The following ADSL variants were observed in gnomAD, a reference collection of about 807,000 sequenced individuals.
ADSL encodes the protein adenylosuccinase.
A neutral mutation model predicts 62.1 loss-of-function variants in ADSL; 44 were observed. The observed-to-expected ratio is 0.71, with a 90% CI of 0.56 to 0.91. The LOEUF is 0.91. Ranked by LOEUF, ADSL falls within the 40% of genes least tolerant of loss-of-function variation. The probability of loss-of-function intolerance (pLI) is 0.00; values close to 1 mark genes in which losing one functional copy is unlikely to be tolerated. For missense variants in ADSL, 531 were observed against 627.4 expected (o/e 0.85, Z 1.64); for synonymous variants, 198 against 220.5 (o/e 0.90, Z 0.90).
At chr22:40,380,491 C>T (rs960235628) in intron 2 of ADSL, among the ~76,000 whole-genome samples, 1 of 151,796 alleles carries the variant, frequency 6.6e-6, no homozygotes, top group Non-Finnish European at 1.5e-5. Context: ...CTCAGCATCC[C>T]GAGTAGTTGG....
At chr22:40,375,839 A>G (rs1467179736) in intron 2 of ADSL, among the ~76,000 whole-genome samples, 7 of 152,156 alleles carry the variant, frequency 4.6e-5, no homozygotes. Context: ...GGAGGTCAAG[A>G]CCAGCCTGGG....
chr22:40,353,815 A>G (rs886677666), intron 3 of ADSL: 6 of 271,356 alleles, frequency 2.2e-5, no homozygotes, highest in Non-Finnish European at 3.6e-5. Flanking sequence ...TTTAGTAGAG[A>G]CGGGGTTTCA....
downstream of ADSL, among the ~76,000 whole-genome samples, chr22:40,374,099 C>T (rs1186932918): frequency 6.6e-6 from 1 of 152,020 alleles, no homozygotes; most frequent in Non-Finnish European, 1.5e-5. Context: ...ACTACAGGCG[C>T]CTGCCACCAT....
chr22:40,379,791 C>G (rs1037300306), intron 2 of ADSL, among the ~76,000 whole-genome samples: 1 of 152,104 alleles, frequency 6.6e-6, no homozygotes, highest in Non-Finnish European at 1.5e-5. Flanking sequence ...TCACTGCAAC[C>G]TCCACCTCCC....
intron 4 of ADSL, among the ~76,000 whole-genome samples, chr22:40,356,522 G>A (rs1268917617): frequency 6.9e-6 from 1 of 144,906 alleles, no homozygotes; most frequent in African/African-American, 2.6e-5. Flanking sequence ...GCGACAGAGT[G>A]AAATTCCGTC....
At chr22:40,350,607 A>G (rs1291445212) in intron 2 of ADSL, among the ~76,000 whole-genome samples, 1 of 151,706 alleles carries the variant, frequency 6.6e-6, no homozygotes, top group East Asian at 1.9e-4. Flanking sequence ...GGCTGAGGTA[A>G]TTTTTCAAAG....
At chr22:40,383,324 C>T (rs957820195) in intron 2 of ADSL, among the ~76,000 whole-genome samples, 6 of 151,798 alleles carry the variant, frequency 4.0e-5, no homozygotes, top group Admixed American at 1.3e-4. Context: ...AAAATTAGCC[C>T]GGCGTGGTGG....
intron 4 of ADSL, among the ~76,000 whole-genome samples, chr22:40,356,252 G>A: frequency 6.7e-6 from 1 of 149,200 alleles, no homozygotes; most frequent in Non-Finnish European, 1.5e-5. Flanking sequence ...GGTTAGGCTG[G>A]GCAGCCGGGC....
At chr22:40,363,685 G>A (rs986054596) in intron 10 of ADSL, among the ~76,000 whole-genome samples, 4 of 150,000 alleles carry the variant, frequency 2.7e-5, no homozygotes, top group African/African-American at 7.4e-5. Flanking sequence ...GCGGTGAGCC[G>A]AGATCGTGTC....
At position 40,346,529 on chromosome 22, in the gene ADSL, A is replaced by T. The variant is rs1429427262; in HGVS notation, c.-30A>T. On this transcript the variant is annotated 5_prime_UTR_variant, in exon 1 of 13. Transcript: ENST00000623063. ...TTCCGCTTCCGCTCTTCCCTGGTCCAGTCCACCCTGGCGGGGTCGCAGGGT... is the reference window on the plus strand; with the variant it reads ...TTCCGCTTCCGCTCTTCCCTGGTCCTGTCCACCCTGGCGGGGTCGCAGGGT... 1 of 1,591,766 alleles carries T rather than the reference A, an allele frequency of 6.3e-7. No individual in the cohort carries two copies. Among genetic ancestry groups the T allele is most frequent in the Non-Finnish European group, 8.5e-7 (1 of 1,172,726 alleles).
rs2045017827 is a variant in ADSL, at chr22:40,366,639, T to C, written c.*117T>C. On this transcript the variant is annotated 3_prime_UTR_variant, in exon 13 of 13. Coordinates refer to ENST00000623063, the MANE Select transcript of ADSL (RefSeq NM_000026.4). The stretch of plus-strand genomic sequence containing the variant: ...ACCTTAAATTAGTACAGCACTTTCT[T>C]CTTCCCATGGTGCTTTCCTGTTTCT... The C allele has an allele frequency of 2.6e-6, 2 of 769,614 alleles. No homozygotes were observed. The highest frequency in any genetic ancestry group is 2.9e-5 in the South Asian group (2 of 67,856). The allele number at this position is 769,614 out of a possible 1,614,324, so 47.7% of individuals were successfully genotyped here.
Position 40,361,318 on chromosome 22 carries a change from G to A in ADSL, c.838G>A (p.Glu280Lys), listed in dbSNP as rs1376233325. 6.2e-7 allele frequency: 1 copy of A among 1,614,202 alleles called. No individual in the cohort carries two copies. Residue 280 changes from glutamate to lysine, a missense_variant, in exon 8 of 13, where the codon GAA (glutamate) becomes AAA (lysine). Physicochemically the swap from Glu to Lys is moderately conservative, Grantham distance 56. Transcript: ENST00000623063. The part of the protein sequence containing the change: ...RLLANLKEME[E>K]PFEKQQIGSS... The stretch of plus-strand genomic sequence containing the variant: ...CCTGGCAAACCTCAAGGAGATGGAG[G>A]AACCCTTTGAAAAACAGCAGATTGG...
Position 40,361,531 on chromosome 22 carries a change from A to T in ADSL, c.906A>T (p.Glu302Asp). Reference sequence around the variant, plus strand: ...ATAAGCGGAATCCCATGCGTTCAGAACGTTGCTGCAGTCTTGCCCGCCACC... The same window carrying T: ...ATAAGCGGAATCCCATGCGTTCAGATCGTTGCTGCAGTCTTGCCCGCCACC... Reference protein sequence around the residue: ...MPYKRNPMRSERCCSLARHLM... With the variant: ...MPYKRNPMRSDRCCSLARHLM... Residue 302 changes from glutamate to aspartate, a missense_variant, in exon 9 of 13, where the codon GAA (glutamate) becomes GAT (aspartate). Around this residue, in one of 2 missense-constraint regions of ADSL, gnomAD observed 471 missense variants for 592.9 expected, o/e 0.79. Transcript: ENST00000623063. 6.2e-7 allele frequency: 1 copy of T among 1,614,180 alleles called. No homozygotes were observed. Among genetic ancestry groups the T allele is most frequent in the Non-Finnish European group, 8.5e-7 (1 of 1,180,036 alleles).
chr22:40,386,441 C>T (rs2048454831), intron 2 of ADSL, among the ~76,000 whole-genome samples: 2 of 152,106 alleles, frequency 1.3e-5, no homozygotes, highest in African/African-American at 4.8e-5. Context: ...TCCAATGGGC[C>T]TGTCTCTAGC....
chr22:40,352,925 T>A (rs370911093), intron 2 of ADSL, 148 bp from the exon 3 acceptor site: 1 of 685,476 alleles, frequency 1.5e-6, no homozygotes, highest in Non-Finnish European at 2.7e-6. Context: ...ACAACTTGTG[T>A]TAGTATTTTC....
At chr22:40,385,411 A>G (rs1447147204) in intron 2 of ADSL, among the ~76,000 whole-genome samples, 1 of 152,222 alleles carries the variant, frequency 6.6e-6, no homozygotes, top group Non-Finnish European at 1.5e-5. Flanking sequence ...TGCAGTGGAC[A>G]CGAAGCCATT....
rs118165986 is a variant in ADSL, at chr22:40,363,821, G to A, written c.1102-455G>A. Among the ~76,000 whole-genome samples, 131 of 151,988 alleles carry A rather than the reference G, an allele frequency of 8.6e-4. 3 individuals carry two copies. The East Asian group carries it at 0.021, about 24-fold the overall frequency. ...TTAAAAATCAAAAGTCTGACAGGGC[G>A]CGGTGGCTTACGCCTGTAATCCCAG... is the stretch of plus-strand genomic sequence containing the variant. On this transcript the variant is annotated intron_variant, in intron 10 of 12. Coordinates refer to ENST00000623063, the MANE Select transcript of ADSL (RefSeq NM_000026.4).
chr22:40,352,108 A>G (rs2044369088), intron 2 of ADSL: 1 of 152,248 alleles, frequency 6.6e-6, no homozygotes, highest in African/African-American at 2.4e-5. Context: ...ACCGTTTCAT[A>G]TCGACATGTG....
chr22:40,386,205 G>C (rs1454756156), intron 2 of ADSL, among the ~76,000 whole-genome samples: 1 of 152,102 alleles, frequency 6.6e-6, no homozygotes, highest in South Asian at 2.1e-4. Context: ...AATGGGGCTA[G>C]ATGAGGCAAA....
Sources: allele counts gnomAD v4.1 joint callset (sites outside exome capture counted in the v4.1 genomes callset), GRCh38; gene constraint gnomAD v4.1.1; regional missense constraint gnomAD v4.1.1; transcripts MANE v1.5; gene names NCBI Gene and HGNC (gene_info 2026-07-23, HGNC 2026-07-21).